Variants in OSR2 observed in about 807,000 individuals in gnomAD.
OSR2 encodes the protein odd-skipped related transciption factor 2.
OSR2 carries 8 observed loss-of-function variants against 22.3 expected under a neutral mutation model. That is an observed-to-expected ratio of 0.36 (90% CI 0.21 to 0.65). OSR2 has a LOEUF of 0.65. OSR2 is among the 30% of genes least tolerant of loss of function. The pLI, the probability that OSR2 is intolerant of heterozygous loss-of-function variation, is 0.66. For missense variants in OSR2, 311 were observed against 413.4 expected (o/e 0.75, Z 2.15); for synonymous variants, 179 against 173.8 (o/e 1.03, Z -0.23).
chr8:98,950,396 G>C (rs1048907000), intron 2 of OSR2, among the ~76,000 whole-genome samples: 1 of 152,100 alleles, frequency 6.6e-6, no homozygotes. Context: ...AGAAAGGCCC[G>C]TTCAGCGGGG....
Position 98,948,597 on chromosome 8 carries a change from C to G in OSR2, c.-114-242C>G. The stretch of plus-strand genomic sequence containing the variant: ...GTATCTGCCTAGAGTCTGAATCCGA[C>G]TTTCTTTCCTTTGGGCACGCGCTCG... On this transcript the variant is annotated intron_variant, in intron 1 of 3. Transcript: ENST00000297565. The surrounding 1 kb of genome is among the most constrained non-coding windows in gnomAD (Gnocchi z 6.0). 1 of 1,061,828 alleles carries G rather than the reference C, an allele frequency of 9.4e-7. No individual in the cohort carries two copies. Among genetic ancestry groups the G allele is most frequent in the South Asian group, 1.7e-5 (1 of 57,750 alleles). 65.8% of individuals were successfully genotyped at this position (1,061,828 alleles called of 1,614,324 possible).
Position 98,949,891 on chromosome 8 carries a change from G to T in OSR2, c.656+283G>T, listed in dbSNP as rs1298147131. 1.7e-4 allele frequency among the ~76,000 whole-genome samples: 26 copies of T among 152,072 alleles called. No homozygotes were observed. The highest frequency in any genetic ancestry group is 1.7e-3 in the Admixed American group (26 of 15,274). The stretch of plus-strand genomic sequence containing the variant: ...TGGGATGGTTATCCTGTCTCCTCCC[G>T]GTGCTGTGGGGAGTGGTGCAGGCAG... On this transcript the variant is annotated intron_variant, in intron 2 of 3. Coordinates refer to ENST00000297565, the MANE Select transcript of OSR2 (RefSeq NM_001142462.3). The surrounding 1 kb of genome is among the most constrained non-coding windows in gnomAD (Gnocchi z 5.9).
chr8:98,948,094 A>G lies in OSR2; in HGVS notation c.-114-745A>G. The G allele has an allele frequency of 7.5e-7, 1 of 1,340,368 alleles. No individual in the cohort carries two copies. The highest frequency in any genetic ancestry group is 9.5e-7 in the Non-Finnish European group (1 of 1,047,430). 83.0% of individuals were successfully genotyped at this position (1,340,368 alleles called of 1,614,324 possible). ...GGGGTTGGGAGGAGAGCCCGTGGAT[A>G]GGAGGAGGGGGCGATTCTAGGCCGA... On this transcript the variant is annotated intron_variant, in intron 1 of 3. Coordinates refer to ENST00000297565, the MANE Select transcript of OSR2 (RefSeq NM_001142462.3). This position sits in a 1 kb window ranked among gnomAD's most constrained non-coding sequence, Gnocchi z 6.0.
In OSR2 at chr8:98,950,774, T is replaced by G. The variant is rs766346238; in HGVS notation, c.756+19T>G. On this transcript the variant is annotated intron_variant, in intron 3 of 3. Transcript: ENST00000297565. ...CATGCAGGTAAGTTTGTTTTCTTGTTTAAAAACAGTGGCTGGTTCGTGTTA... is the reference window on the plus strand; with the variant it reads ...CATGCAGGTAAGTTTGTTTTCTTGTGTAAAAACAGTGGCTGGTTCGTGTTA... The G allele has an allele frequency of 1.3e-6, 2 of 1,511,686 alleles. No homozygotes were observed. Among genetic ancestry groups the G allele is most frequent in the South Asian group, 2.3e-5 (2 of 86,826 alleles). The allele number at this position is 1,511,686 out of a possible 1,614,324, so 93.6% of individuals were successfully genotyped here.
At position 98,950,754 on chromosome 8, in the gene OSR2, A is replaced by T. The variant is rs776723636; in HGVS notation, c.755A>T (p.Gln252Leu). Reference protein sequence around the residue: ...TLAVHKTLHMQESPHKCPTCG... With the variant: ...TLAVHKTLHMLESPHKCPTCG... ...GCAGTTCACAAAACTTTACACATGC[A>T]GGTAAGTTTGTTTTCTTGTTTAAAA... Residue 252 changes from glutamine to leucine, a missense_variant and splice_region_variant, in exon 3 of 4, where the codon CAG becomes CTG. By Grantham distance (113) the Gln-to-Leu change is moderately radical. Coordinates refer to ENST00000297565, the MANE Select transcript of OSR2 (RefSeq NM_001142462.3). 2 of 1,603,952 alleles carry T rather than the reference A, an allele frequency of 1.2e-6. No individual in the cohort carries two copies. Among genetic ancestry groups the T allele is most frequent in the Non-Finnish European group, 8.5e-7 (1 of 1,172,234 alleles).
At position 98,948,691 on chromosome 8, in the gene OSR2, C is replaced by G; in HGVS notation, c.-114-148C>G. 1 of 1,094,574 alleles carries G rather than the reference C, an allele frequency of 9.1e-7. No individual in the cohort carries two copies. The highest frequency in any genetic ancestry group is 1.7e-5 in the South Asian group (1 of 60,404). 67.8% of individuals were successfully genotyped at this position (1,094,574 alleles called of 1,614,324 possible). ...CGGACTTGAGCAGGTGCCAAGGTGC[C>G]ACGCAGTCCCCTCACGGCTTTCGGG... On this transcript the variant is annotated intron_variant, in intron 1 of 3. Coordinates refer to ENST00000297565, the MANE Select transcript of OSR2 (RefSeq NM_001142462.3). The surrounding 1 kb of genome is among the most constrained non-coding windows in gnomAD (Gnocchi z 6.0).
rs777303180 is a variant in OSR2 at position 98,951,629 on chromosome 8, C to T, written c.867C>T (p.Cys289=). Residue 289 remains cysteine, a synonymous_variant, in exon 4 of 4, where the codon TGC becomes TGT. Transcript: ENST00000297565. ...TCAAGCCCTACAGCTGCGAGCAGTG[C>T]GGCAAAGTGTTCAGGCGAAACTGTG... ...TDIKPYSCEQ[C]GKVFRRNCDL... is the part of the protein sequence containing the mutation. The T allele has an allele frequency of 5.8e-5, 93 of 1,613,882 alleles. No individual in the cohort carries two copies. Among genetic ancestry groups the T allele is most frequent in the Middle Eastern group, 1.6e-4 (1 of 6,082 alleles).
intron 1 of OSR2, among the ~76,000 whole-genome samples, chr8:98,945,802 G>A (rs1379772373): frequency 6.6e-6 from 1 of 152,038 alleles, no homozygotes; most frequent in East Asian, 1.9e-4. Context: ...GATCTACTTA[G>A]TCTATAGCTC....
chr8:98,945,034 A>G (rs1840564062), intron 1 of OSR2, among the ~76,000 whole-genome samples: 1 of 152,198 alleles, frequency 6.6e-6, no homozygotes, highest in Non-Finnish European at 1.5e-5. Flanking sequence ...ACATTTCTAC[A>G]TACTGTTTCT....
In OSR2 at chr8:98,949,656, C is replaced by T; in HGVS notation, c.656+48C>T. 1 of 1,562,580 alleles carries T rather than the reference C, an allele frequency of 6.4e-7. No individual in the cohort carries two copies. The highest frequency in any genetic ancestry group is 1.7e-4 in the Middle Eastern group (1 of 5,806). On this transcript the variant is annotated intron_variant, in intron 2 of 3. Coordinates refer to ENST00000297565, the MANE Select transcript of OSR2 (RefSeq NM_001142462.3). The surrounding 1 kb of genome is among the most constrained non-coding windows in gnomAD (Gnocchi z 5.9). ...CTGGGAGAGGGAAAGCGAATTTGTC[C>T]TGGACACACCGAGTCCTGATAGACA...
rs776818218 is a variant in OSR2 at position 98,948,255 on chromosome 8, C to G, written c.-114-584C>G. The G allele has an allele frequency of 6.6e-7, 1 of 1,506,054 alleles. No individual in the cohort carries two copies. The highest frequency in any genetic ancestry group is 1.2e-5 in the South Asian group (1 of 81,302). The allele number at this position is 1,506,054 out of a possible 1,614,324, so 93.3% of individuals were successfully genotyped here. A position where few individuals can be genotyped will look rare whatever the true frequency, so the allele number is the denominator to read the frequency against. On this transcript the variant is annotated intron_variant, in intron 1 of 3. Coordinates refer to ENST00000297565, the MANE Select transcript of OSR2 (RefSeq NM_001142462.3). The surrounding 1 kb of genome is among the most constrained non-coding windows in gnomAD (Gnocchi z 6.0). Reference sequence around the variant, plus strand: ...GTGAGCCCCTCCCAGGGCCCTCTGGCCCAGGAGGATGAAGCGCGCCGGCTT... The same window carrying G: ...GTGAGCCCCTCCCAGGGCCCTCTGGGCCAGGAGGATGAAGCGCGCCGGCTT...
intron 1 of OSR2, among the ~76,000 whole-genome samples, chr8:98,947,857 C>G (rs1437063304): frequency 6.6e-6 from 1 of 152,194 alleles, no homozygotes; most frequent in African/African-American, 2.4e-5. Context: ...CCTCTCTCCT[C>G]TCCCCTCTCT....
Position 98,951,908 on chromosome 8 carries a change from G to A in OSR2, c.*207G>A, listed in dbSNP as rs539970761. On this transcript the variant is annotated 3_prime_UTR_variant, in exon 4 of 4. Coordinates refer to ENST00000297565, the MANE Select transcript of OSR2 (RefSeq NM_001142462.3). ...ACACACTACTACATCCCTTCACAAAGAGTATATGCTAGTTTCTTGTAGATA... is the reference window on the plus strand; with the variant it reads ...ACACACTACTACATCCCTTCACAAAAAGTATATGCTAGTTTCTTGTAGATA... 16 of 551,688 alleles carry A rather than the reference G, an allele frequency of 2.9e-5. No homozygotes were observed. The South Asian group carries it at 3.4e-4, about 12-fold the overall frequency. 34.2% of individuals were successfully genotyped at this position (551,688 alleles called of 1,614,324 possible). A position where few individuals can be genotyped will look rare whatever the true frequency, so the allele number is the denominator to read the frequency against.
intron 2 of OSR2, among the ~76,000 whole-genome samples, chr8:98,950,215 C>T (rs1840741146): frequency 6.6e-6 from 1 of 152,012 alleles, no homozygotes; most frequent in Non-Finnish European, 1.5e-5. Flanking sequence ...TTGGGGAGAC[C>T]TTTTTAGCGG....
chr8:98,948,320 A>C lies in OSR2; in HGVS notation c.-114-519A>C, dbSNP rs1185991492. 1 of 1,524,788 alleles carries C rather than the reference A, an allele frequency of 6.6e-7. No individual in the cohort carries two copies. 94.5% of individuals were successfully genotyped at this position (1,524,788 alleles called of 1,614,324 possible). A position where few individuals can be genotyped will look rare whatever the true frequency, so the allele number is the denominator to read the frequency against. ...GGCTTGCCATCCGGGTAAGCGCGGG[A>C]AAGGCGGCCACAGGGCGCGGCGGCA... On this transcript the variant is annotated intron_variant, in intron 1 of 3. Coordinates refer to ENST00000297565, the MANE Select transcript of OSR2 (RefSeq NM_001142462.3). The surrounding 1 kb of genome is among the most constrained non-coding windows in gnomAD (Gnocchi z 6.0).
At chr8:98,947,166 C>T (rs1840632134) in intron 1 of OSR2, among the ~76,000 whole-genome samples, 2 of 151,350 alleles carry the variant, frequency 1.3e-5, no homozygotes, top group South Asian at 4.2e-4. Context: ...TGACTGTTAC[C>T]CACCTCTCAT....
Position 98,949,722 on chromosome 8 carries a change from C to A in OSR2, c.656+114C>A. ...TAATCCCCTGTGATCTAAAATACACCCTCAGTCACGCTCCTCAGCCCGGTT... is the reference window on the plus strand; with the variant it reads ...TAATCCCCTGTGATCTAAAATACACACTCAGTCACGCTCCTCAGCCCGGTT... On this transcript the variant is annotated intron_variant, in intron 2 of 3. Transcript: ENST00000297565. The surrounding 1 kb of genome is among the most constrained non-coding windows in gnomAD (Gnocchi z 5.9). 1 of 1,253,404 alleles carries A rather than the reference C, an allele frequency of 8.0e-7. No homozygotes were observed. The highest frequency in any genetic ancestry group is 1.1e-6 in the Non-Finnish European group (1 of 906,910). 77.6% of individuals were successfully genotyped at this position (1,253,404 alleles called of 1,614,324 possible).
At position 98,948,858 on chromosome 8, in the gene OSR2, T is replaced by C. The variant is rs904887288; in HGVS notation, c.-95T>C. On this transcript the variant is annotated 5_prime_UTR_variant, in exon 2 of 4. Coordinates refer to ENST00000297565, the MANE Select transcript of OSR2 (RefSeq NM_001142462.3). This position sits in a 1 kb window ranked among gnomAD's most constrained non-coding sequence, Gnocchi z 6.0. ...TTTTAGGGCTTTCTCTACGTGCTGT[T>C]GTCTCACTGGGTTTTTGTCGGAGCC... 9.3e-6 allele frequency: 15 copies of C among 1,607,894 alleles called. No individual in the cohort carries two copies. Among genetic ancestry groups the C allele is most frequent in the Non-Finnish European group, 1.2e-5 (14 of 1,178,034 alleles).
At position 98,948,431 on chromosome 8, in the gene OSR2, G is replaced by T; in HGVS notation, c.-114-408G>T. ...CGCAGCGGCGACAGAGGTTCGCCCC[G>T]GCCTGCTAGCATTGGCATTGCGGTT... On this transcript the variant is annotated intron_variant, in intron 1 of 3. Coordinates refer to ENST00000297565, the MANE Select transcript of OSR2 (RefSeq NM_001142462.3). This position sits in a 1 kb window ranked among gnomAD's most constrained non-coding sequence, Gnocchi z 6.0. The T allele has an allele frequency of 7.1e-7, 1 of 1,400,878 alleles. No homozygotes were observed. The highest frequency in any genetic ancestry group is 1.9e-4 in the Middle Eastern group (1 of 5,400). 86.8% of individuals were successfully genotyped at this position (1,400,878 alleles called of 1,614,324 possible).
Sources: gnomAD v4.1 joint callset for allele counts (sites outside exome capture counted in the v4.1 genomes callset) on GRCh38, gnomAD v4.1.1 for gene constraint, Gnocchi (gnomAD v3.1) non-coding constraint, MANE v1.5 for transcripts, NCBI Gene and HGNC (gene_info 2026-07-23, HGNC 2026-07-21) for gene names.